DNAH5: variants seen among roughly 807,000 people sequenced by gnomAD.
DNAH5 encodes axonemal beta dynein heavy chain 5.
DNAH5 carries 372 observed loss-of-function variants against 518.2 expected under a neutral mutation model. The ratio of observed to expected loss-of-function variants is 0.72; its 90% confidence interval spans 0.66 to 0.78. The LOEUF (loss-of-function observed/expected upper bound fraction) is 0.78, where lower values mean the gene tolerates loss of function less well. Ranked by LOEUF, DNAH5 falls within the 30% of genes least tolerant of loss-of-function variation. The pLI, the probability that DNAH5 is intolerant of heterozygous loss-of-function variation, is 0.00. For missense variants in DNAH5, 5,523 were observed against 5,687.0 expected, an observed-to-expected ratio of 0.97 and a Z score of 0.93; for synonymous variants, 2,039 against 2,025.9, an observed-to-expected ratio of 1.01 and a Z score of -0.17.
chr5:13,935,448 A>G, intron 1 of DNAH5, among the ~76,000 whole-genome samples: 1 of 152,218 alleles, frequency 6.6e-6, no homozygotes, highest in East Asian at 1.9e-4. Context: ...TTTTTAAGTA[A>G]ATGTTTTCAG....
chr5:13,814,835 A>G lies in DNAH5; in HGVS notation c.7000T>C (p.Trp2334Arg). The part of the protein sequence containing the change: ...TLRAKKGEHI[W>R]IILDGPVDAI... ...TCTACTGGACCATCAAGAATTATCC[A>G]GATATGTTCCCCTAGAATACCCCAC... Residue 2334 changes from tryptophan (W) to arginine (R), a missense_variant, in exon 43 of 79, where the codon TGG becomes CGG. This residue lies in a region of DNAH5 where 5,121 missense variants were observed against 5,223.3 expected (regional missense o/e 0.98). Transcript: ENST00000265104. 6.2e-7 allele frequency: 1 copy of G among 1,613,918 alleles called. No individual in the cohort carries two copies. The highest frequency in any genetic ancestry group is 8.5e-7 in the Non-Finnish European group (1 of 1,179,952).
chr5:13,754,080 G>T, intron 62 of DNAH5, 123 bp downstream of exon 62: 1 of 1,127,092 alleles, frequency 8.9e-7, no homozygotes, highest in Non-Finnish European at 1.3e-6. Flanking sequence ...CACAATGTGC[G>T]GGTTTGTTAC....
At chr5:13,794,350 C>T (rs1469423753) in intron 47 of DNAH5, among the ~76,000 whole-genome samples, 3 of 152,190 alleles carry the variant, frequency 2.0e-5, no homozygotes, top group African/African-American at 4.8e-5. Flanking sequence ...TTGTCTTCTT[C>T]TGTTGGTGAC....
intron 47 of DNAH5, among the ~76,000 whole-genome samples, chr5:13,795,997 C>T (rs981491445): frequency 2.0e-5 from 3 of 152,202 alleles, no homozygotes; most frequent in Non-Finnish European, 4.4e-5. Flanking sequence ...CAAAATTCAA[C>T]AGCTCTTTAT....
chr5:13,769,472 A>G lies in DNAH5; in HGVS notation c.9720+29T>C, dbSNP rs751446022. On this transcript the variant is annotated intron_variant, in intron 57 of 78. Coordinates refer to ENST00000265104, the MANE Select transcript of DNAH5 (RefSeq NM_001369.3). ...CTTGTGAACTGAGAATTCAAAAGGA[A>G]TGTGGCACATGTGTAAATGCCCACC... 3 of 1,553,436 alleles carry G rather than the reference A, an allele frequency of 1.9e-6. No homozygotes were observed. In the South Asian group the frequency reaches 3.3e-5, roughly 17 times the overall value.
At chr5:13,795,054 T>C (rs1247201045) in intron 47 of DNAH5, among the ~76,000 whole-genome samples, 2 of 152,158 alleles carry the variant, frequency 1.3e-5, no homozygotes, top group Admixed American at 6.5e-5. Flanking sequence ...TAAAGCAGCG[T>C]GTAGAGGGAA....
rs566080915 is a variant in DNAH5 at position 13,786,184 on chromosome 5, C to T, written c.8815G>A (p.Val2939Ile). The T allele has an allele frequency of 2.8e-5, 45 of 1,613,924 alleles. No homozygotes were observed. The East Asian group carries it at 8.5e-4, about 30-fold the overall frequency. Residue 2939 changes from valine (V) to isoleucine (I), a missense_variant, in exon 52 of 79, where the codon GTC (valine) becomes ATC (isoleucine). Around this residue, in one of 3 missense-constraint regions of DNAH5, gnomAD observed 5,121 missense variants for 5,223.3 expected, o/e 0.98. Transcript: ENST00000265104. The part of the protein sequence containing the change: ...VFFADAMVHL[V>I]KISRVIRTPQ... ...ACTCAGAGTGGCTACTGTACCTTGA[C>T]TAAGTGAACCATGGCATCTGCAAAG...
Position 13,708,166 on chromosome 5 carries a change from A to C in DNAH5, c.13295T>G (p.Leu4432Trp). 1 of 1,614,190 alleles carries C rather than the reference A, an allele frequency of 6.2e-7. No homozygotes were observed. The highest frequency in any genetic ancestry group is 8.5e-7 in the Non-Finnish European group (1 of 1,180,018). Residue 4432 changes from leucine to tryptophan, a missense_variant, in exon 76 of 79, where the codon TTG (leucine) becomes TGG (tryptophan). Leu to Trp is a moderately conservative substitution (Grantham distance 61, BLOSUM62 -2). Around this residue, in one of 3 missense-constraint regions of DNAH5, gnomAD observed 387 missense variants for 430.0 expected, o/e 0.90. Coordinates refer to ENST00000265104, the MANE Select transcript of DNAH5 (RefSeq NM_001369.3). The stretch of plus-strand genomic sequence containing the variant: ...GATTCTAGCATCAAACATGCAATCC[A>C]ATGCATCTCGCAGATTTTCGCTCAT... ...IIMSENLRDA[L>W]DCMFDARIPA...
At chr5:13,785,850 T>C (rs1368380064) in intron 52 of DNAH5, among the ~76,000 whole-genome samples, 4 of 152,220 alleles carry the variant, frequency 2.6e-5, no homozygotes, top group Admixed American at 6.5e-5. Flanking sequence ...ATTCTTTGCA[T>C]GATACAAAAA....
chr5:13,898,778 T>C (rs1370068647), intron 15 of DNAH5: 7 of 395,518 alleles, frequency 1.8e-5, no homozygotes, highest in Non-Finnish European at 2.7e-5. Flanking sequence ...TGTTAACCAC[T>C]ATGAAATTTT....
chr5:13,903,018 G>A (rs757478957), intron 12 of DNAH5, among the ~76,000 whole-genome samples: 15 of 152,124 alleles, frequency 9.9e-5, no homozygotes, highest in Non-Finnish European at 2.2e-4. Context: ...TGCACAAACA[G>A]AATTAGTAAC....
intron 6 of DNAH5, among the ~76,000 whole-genome samples, chr5:13,919,907 G>A (rs1777074514): frequency 6.6e-6 from 1 of 152,134 alleles, no homozygotes; most frequent in Non-Finnish European, 1.5e-5. Context: ...TGCTAACTAC[G>A]GTCACCCAAT....
At chr5:13,956,648 GA>G (rs767912452) in intron 1 of DNAH5, among the ~76,000 whole-genome samples, 15 of 152,202 alleles carry the variant, frequency 9.9e-5, no homozygotes, top group African/African-American at 3.6e-4. Flanking sequence ...ACAGAAGAGA[GA>G]AACTGCTTAT....
rs368942443 is a variant in DNAH5, at chr5:13,727,456, A to G, written c.12033+51T>C. The G allele has an allele frequency of 3.7e-4, 566 of 1,515,840 alleles. 3 individuals are homozygous for G. The African/African-American group carries it at 6.7e-3, about 18-fold the overall frequency. 93.9% of individuals were successfully genotyped at this position (1,515,840 alleles called of 1,614,324 possible). A position where few individuals can be genotyped will look rare whatever the true frequency, so the allele number is the denominator to read the frequency against. ...AATATTTTTTTTAATTTAAAAGAAA[A>G]TTCTCTTTAAAAATATTCTCTCATT... On this transcript the variant is annotated intron_variant, in intron 70 of 78. Coordinates refer to ENST00000265104, the MANE Select transcript of DNAH5 (RefSeq NM_001369.3).
intron 1 of DNAH5, among the ~76,000 whole-genome samples, chr5:13,983,653 GC>G (rs1367649321): frequency 6.6e-6 from 1 of 152,126 alleles, no homozygotes; most frequent in Non-Finnish European, 1.5e-5. Context: ...AAACCTCTAG[GC>G]TATGGGAATG....
At chr5:13,931,373 C>A in intron 1 of DNAH5, 129 bp from the exon 2 acceptor site, 3 of 930,306 alleles carry the variant, frequency 3.2e-6, no homozygotes, top group African/African-American at 1.7e-5. Flanking sequence ...TTAATGGTAC[C>A]AATTTTTATG....
rs762184401 is a variant in DNAH5, at chr5:13,766,114, C to G, written c.9963G>C (p.Arg3321=). The change falls in exon 59 of 79, where the codon CGG becomes CGC. Residue 3321 remains arginine, a synonymous_variant. Transcript: ENST00000265104. The part of the protein sequence containing the change: ...TLGRPPHLIM[R]IMDCVLLLFQ... ...ACAGCAGCAGTACGCAATCCATGAT[C>G]CGCATGATGAGGTGAGGGGGGCGGC... is the stretch of plus-strand genomic sequence containing the variant. The G allele has an allele frequency of 6.2e-7, 1 of 1,614,186 alleles. No homozygotes were observed. Among genetic ancestry groups the G allele is most frequent in the East Asian group, 2.2e-5 (1 of 44,892 alleles).
intron 47 of DNAH5, among the ~76,000 whole-genome samples, chr5:13,795,571 C>G (rs1310684799): frequency 1.3e-5 from 2 of 152,014 alleles, no homozygotes; most frequent in African/African-American, 4.8e-5. Context: ...GCCTACCAAC[C>G]AAAAAAAGTC....
intron 49 of DNAH5, 71 bp from the exon 50 acceptor site, chr5:13,792,288 A>G: frequency 7.3e-7 from 1 of 1,369,838 alleles, no homozygotes; most frequent in Non-Finnish European, 1.0e-6. Context: ...AAAGCATTAT[A>G]GCATAGGGTT....
Sources: gnomAD v4.1 joint callset for allele counts (sites outside exome capture counted in the v4.1 genomes callset) on GRCh38, gnomAD v4.1.1 for gene constraint, gnomAD v4.1.1 regional missense constraint, MANE v1.5 for transcripts, NCBI Gene and HGNC (gene_info 2026-07-23, HGNC 2026-07-21) for gene names.